KCNH8: variants seen among roughly 807,000 people sequenced by gnomAD.
The protein encoded by KCNH8 is potassium voltage-gated channel subfamily H member 8, also known as voltage-gated delayed rectifier potassium channel KCNH8.
A neutral mutation model predicts 103.6 loss-of-function variants in KCNH8; 70 were observed. The ratio of observed to expected loss-of-function variants is 0.68; its 90% CI spans 0.56 to 0.82. KCNH8 has a LOEUF of 0.82. KCNH8 is among the 40% of genes least tolerant of loss of function. The probability of loss-of-function intolerance (pLI) is 0.00; values close to 1 mark genes in which losing one functional copy is unlikely to be tolerated. For missense variants in KCNH8, 1,217 were observed against 1,329.9 expected (o/e 0.92, Z 1.32); for synonymous variants, 498 against 489.4 (o/e 1.02, Z -0.23).
chr3:19,388,087 A>G (rs1488815582), intron 5 of KCNH8, among the ~76,000 whole-genome samples: 3 of 152,094 alleles, frequency 2.0e-5, no homozygotes, highest in Admixed American at 6.6e-5. Flanking sequence ...TGGAATGTAT[A>G]TGGATGATGG....
At chr3:19,201,035 C>T (rs1252890640) in intron 1 of KCNH8, among the ~76,000 whole-genome samples, 1 of 151,248 alleles carries the variant, frequency 6.6e-6, no homozygotes, top group African/African-American at 2.4e-5. Context: ...AGTTAGTGAC[C>T]AGCCTGGCCA....
At chr3:19,326,382 T>A (rs183020847) in intron 3 of KCNH8, among the ~76,000 whole-genome samples, 110 of 142,558 alleles carry the variant, frequency 7.7e-4, no homozygotes, top group Non-Finnish European at 1.2e-3. Flanking sequence ...TATATATATA[T>A]AATAAATGAT....
At chr3:19,272,033 G>T (rs2125267025) in intron 2 of KCNH8, among the ~76,000 whole-genome samples, 1 of 152,154 alleles carries the variant, frequency 6.6e-6, no homozygotes, top group Admixed American at 6.5e-5. Flanking sequence ...AAGCAGTAGG[G>T]TTCTGTAAGT....
chr3:19,315,499 T>G (rs1257288075), intron 3 of KCNH8, among the ~76,000 whole-genome samples: 2 of 151,958 alleles, frequency 1.3e-5, no homozygotes, highest in Non-Finnish European at 2.9e-5. Flanking sequence ...ACCTAGGTAC[T>G]TCCTGCTACC....
intron 8 of KCNH8, among the ~76,000 whole-genome samples, chr3:19,447,311 A>C (rs1314811686): frequency 6.6e-6 from 1 of 151,998 alleles, no homozygotes; most frequent in Non-Finnish European, 1.5e-5. Context: ...CTGAAATGAG[A>C]CTTTGAAATT....
chr3:19,364,526 T>A (rs2065986142), intron 5 of KCNH8, among the ~76,000 whole-genome samples: 1 of 152,176 alleles, frequency 6.6e-6, no homozygotes, highest in Non-Finnish European at 1.5e-5. Flanking sequence ...ACTTGGTTAC[T>A]GGCCAGCTAT....
intron 1 of KCNH8, among the ~76,000 whole-genome samples, chr3:19,249,905 A>T (rs188577634): frequency 1.2e-3 from 179 of 152,308 alleles, no homozygotes; most frequent in Non-Finnish European, 2.1e-3. Flanking sequence ...TAATAATATT[A>T]TATAGTCTTT....
intron 3 of KCNH8, among the ~76,000 whole-genome samples, chr3:19,342,253 T>C (rs981673835): frequency 2.6e-5 from 4 of 152,080 alleles, no homozygotes; most frequent in Admixed American, 2.6e-4. Flanking sequence ...GGAAAGAATG[T>C]TTTTAAATGT....
intron 3 of KCNH8, among the ~76,000 whole-genome samples, chr3:19,288,305 T>G (rs1037586284): frequency 5.3e-5 from 8 of 151,194 alleles, no homozygotes; most frequent in East Asian, 3.9e-4. Context: ...TGTATACATG[T>G]GCCATGTTGG....
At chr3:19,300,282 T>C (rs1051427338) in intron 3 of KCNH8, among the ~76,000 whole-genome samples, 1 of 150,942 alleles carries the variant, frequency 6.6e-6, no homozygotes. Context: ...AAAGAAAATA[T>C]GAACAGGTGT....
chr3:19,248,182 T>C (rs529142345), intron 1 of KCNH8, among the ~76,000 whole-genome samples: 1 of 152,308 alleles, frequency 6.6e-6, no homozygotes, highest in South Asian at 2.1e-4. Context: ...GATATGCTTC[T>C]AGGCCCCATG....
intron 1 of KCNH8, among the ~76,000 whole-genome samples, chr3:19,156,919 A>G (rs2063185952): frequency 6.6e-6 from 1 of 151,730 alleles, no homozygotes; most frequent in Non-Finnish European, 1.5e-5. Flanking sequence ...ATGAACTTGC[A>G]GGAAGAAGTA....
chr3:19,459,102 G>A (rs930702237), intron 11 of KCNH8, among the ~76,000 whole-genome samples: 5 of 151,844 alleles, frequency 3.3e-5, no homozygotes, highest in Admixed American at 1.3e-4. Flanking sequence ...TCATTCCTTT[G>A]GATATATACC....
chr3:19,305,688 A>G (rs2065121095), intron 3 of KCNH8, among the ~76,000 whole-genome samples: 1 of 152,144 alleles, frequency 6.6e-6, no homozygotes, highest in African/African-American at 2.4e-5. Flanking sequence ...TAGAAAACAA[A>G]GCAAACTAAA....
At chr3:19,323,991 G>A (rs1218626895) in intron 3 of KCNH8, among the ~76,000 whole-genome samples, 1 of 152,212 alleles carries the variant, frequency 6.6e-6, no homozygotes, top group Non-Finnish European at 1.5e-5. Flanking sequence ...CCTTCAGCCA[G>A]GTGGTGGCAT....
At chr3:19,483,378 A>G (rs1376613415) in intron 11 of KCNH8, among the ~76,000 whole-genome samples, 1 of 152,122 alleles carries the variant, frequency 6.6e-6, no homozygotes, top group Non-Finnish European at 1.5e-5. Flanking sequence ...CTAGACAACT[A>G]AGTCATCCTA....
chr3:19,227,255 T>C (rs887172933), intron 1 of KCNH8, among the ~76,000 whole-genome samples: 20 of 152,216 alleles, frequency 1.3e-4, no homozygotes, highest in Non-Finnish European at 1.9e-4. Context: ...CTCATTTCTT[T>C]CCACCTGGGG....
rs900555123 is a variant in KCNH8 at position 19,466,016 on chromosome 3, C to A, written c.2040+9034C>A. On this transcript the variant is annotated intron_variant, in intron 11 of 15. Coordinates refer to ENST00000328405, the MANE Select transcript of KCNH8 (RefSeq NM_144633.3). ...GTGGCATGATCACAGCTCATTGGAG[C>A]CTTGACCTCCTGGGCCCAAGAGATC... Among the ~76,000 whole-genome samples, 4 of 152,116 alleles carry A rather than the reference C, an allele frequency of 2.6e-5. No homozygotes were observed. In the South Asian group the frequency reaches 8.3e-4, roughly 32 times the overall value.
chr3:19,186,730 G>T (rs1008643703), intron 1 of KCNH8, among the ~76,000 whole-genome samples: 1 of 152,088 alleles, frequency 6.6e-6, no homozygotes, highest in Non-Finnish European at 1.5e-5. Context: ...AGAAGTGAAT[G>T]AATCCCAAGT....
Sources: allele counts gnomAD v4.1 joint callset (sites outside exome capture counted in the v4.1 genomes callset), GRCh38; gene constraint gnomAD v4.1.1; transcripts MANE v1.5; gene names NCBI Gene and HGNC (gene_info 2026-07-23, HGNC 2026-07-21).